The following FBXL13 variants were observed in gnomAD, a reference collection of about 807,000 sequenced individuals.
FBXL13 encodes F-box and leucine-rich repeat protein 13.
A neutral mutation model predicts 83.6 loss-of-function variants in FBXL13; 67 were observed. The ratio of observed to expected loss-of-function variants is 0.80; its 90% confidence interval spans 0.66 to 0.98. The LOEUF is 0.98. Ranked by LOEUF, FBXL13 falls within the 50% of genes least tolerant of loss-of-function variation. FBXL13 has a pLI of 0.00. For missense variants in FBXL13, 822 were observed against 866.5 expected (o/e 0.95, Z 0.64); for synonymous variants, 272 against 299.5 (o/e 0.91, Z 0.95).
intron 19 of FBXL13, among the ~76,000 whole-genome samples, chr7:102,815,176 C>T (rs1432605144): frequency 6.6e-6 from 1 of 152,162 alleles, no homozygotes; most frequent in Non-Finnish European, 1.5e-5. Flanking sequence ...CCAAACCAAT[C>T]CAGCCTCCTT....
At chr7:103,016,185 A>G (rs114823330) in intron 6 of FBXL13, among the ~76,000 whole-genome samples, 1,673 of 152,282 alleles carry the variant, frequency 0.011, 35 homozygotes, top group African/African-American at 0.039. Flanking sequence ...TGGAACCACA[A>G]AAGGGTCCAA....
chr7:102,985,115 A>T (rs1043406877), intron 6 of FBXL13, among the ~76,000 whole-genome samples: 3 of 152,122 alleles, frequency 2.0e-5, no homozygotes, highest in African/African-American at 7.2e-5. Context: ...GTCTCTGATC[A>T]CCTGCCTGTC....
chr7:102,944,546 A>G (rs763403763), intron 8 of FBXL13: 4 of 1,612,632 alleles, frequency 2.5e-6, no homozygotes, highest in East Asian at 2.2e-5. Context: ...GATGAATGGG[A>G]AAAAAAACAT....
At chr7:102,948,654 A>C (rs985576491) in intron 8 of FBXL13, among the ~76,000 whole-genome samples, 2 of 150,782 alleles carry the variant, frequency 1.3e-5, no homozygotes, top group Non-Finnish European at 2.9e-5. Context: ...CGATCTCCTG[A>C]CCTGTGATCT....
chr7:102,822,283 C>A, intron 18 of FBXL13, 80 bp from the exon 20 acceptor site: 1 of 1,252,654 alleles, frequency 8.0e-7, no homozygotes, highest in South Asian at 1.2e-5. Context: ...CTTTGGGCAA[C>A]TATAATAAAC....
chr7:102,890,658 T>C (rs550576990), intron 11 of FBXL13, among the ~76,000 whole-genome samples: 1 of 152,282 alleles, frequency 6.6e-6, no homozygotes, highest in South Asian at 2.1e-4. Flanking sequence ...CTAGCTCAGA[T>C]CCCTCTGCCG....
chr7:102,812,666 T>C (rs2129444411), downstream of FBXL13, among the ~76,000 whole-genome samples: 1 of 152,312 alleles, frequency 6.6e-6, no homozygotes, highest in African/African-American at 2.4e-5. Flanking sequence ...GTTTGACATA[T>C]GGCCATCTCT....
chr7:102,937,200 A>G (rs77322278), intron 8 of FBXL13, among the ~76,000 whole-genome samples: 1,897 of 152,230 alleles, frequency 0.012, 44 homozygotes, highest in African/African-American at 0.043. Context: ...ATTATTTTAG[A>G]TTATAAGACG....
At chr7:102,941,654 T>C (rs939527230) in intron 8 of FBXL13, among the ~76,000 whole-genome samples, 2 of 151,988 alleles carry the variant, frequency 1.3e-5, no homozygotes, top group African/African-American at 4.8e-5. Context: ...ATTCCAAAGG[T>C]CCTTGGGCAA....
exon 1 of FBXL13, chr7:103,074,451 TG>T: frequency 8.9e-7 from 1 of 1,126,750 alleles, no homozygotes; most frequent in Non-Finnish European, 1.1e-6. Flanking sequence ...TCATTCCCCC[TG>T]GGAGATGTCA....
At chr7:102,845,852 T>G (rs772647116) in intron 17 of FBXL13, among the ~76,000 whole-genome samples, 3 of 152,216 alleles carry the variant, frequency 2.0e-5, no homozygotes, top group Non-Finnish European at 4.4e-5. Flanking sequence ...GGCATTCCCA[T>G]GCTGGATTAG....
chr7:102,992,734 T>C (rs1380436876), intron 6 of FBXL13, among the ~76,000 whole-genome samples: 2 of 151,984 alleles, frequency 1.3e-5, no homozygotes, highest in Non-Finnish European at 2.9e-5. Context: ...GCCCATCGAG[T>C]AGCTGGGACT....
intron 6 of FBXL13, among the ~76,000 whole-genome samples, chr7:103,020,318 C>T (rs926192336): frequency 2.6e-5 from 4 of 152,230 alleles, no homozygotes; most frequent in East Asian, 1.9e-4. Context: ...ATTGATGGGA[C>T]GTACCTAAAA....
intron 8 of FBXL13, among the ~76,000 whole-genome samples, chr7:102,956,955 C>T (rs569219468): frequency 6.6e-6 from 1 of 152,150 alleles, no homozygotes; most frequent in Non-Finnish European, 1.5e-5. Context: ...AATGGCCATA[C>T]TGCCCAGGGT....
At chr7:102,902,318 A>G (rs1813068665) in intron 11 of FBXL13, among the ~76,000 whole-genome samples, 3 of 152,162 alleles carry the variant, frequency 2.0e-5, no homozygotes, top group South Asian at 4.2e-4. Context: ...AGCTCCTTAT[A>G]TATTTTGTTT....
At chr7:102,887,832 AC>A (rs1464361043) in intron 11 of FBXL13, among the ~76,000 whole-genome samples, 1 of 152,252 alleles carries the variant, frequency 6.6e-6, no homozygotes, top group Non-Finnish European at 1.5e-5. Context: ...AACCAAAGTG[AC>A]ATAAAATTAA....
intron 2 of FBXL13, among the ~76,000 whole-genome samples, chr7:103,050,996 C>G (rs1293978056): frequency 6.6e-6 from 1 of 151,788 alleles, no homozygotes; most frequent in Non-Finnish European, 1.5e-5. Context: ...TTGGAACATT[C>G]CACTGTAAGT....
intron 19 of FBXL13, among the ~76,000 whole-genome samples, chr7:102,819,678 T>C (rs1178478802): frequency 6.6e-6 from 1 of 152,170 alleles, no homozygotes; most frequent in Non-Finnish European, 1.5e-5. Flanking sequence ...GACATTGAGC[T>C]TCTTCCCAAG....
At chr7:102,898,974 T>A (rs980658582) in intron 11 of FBXL13, among the ~76,000 whole-genome samples, 2 of 152,204 alleles carry the variant, frequency 1.3e-5, no homozygotes, top group Admixed American at 6.5e-5. Flanking sequence ...TGAAGTGCAG[T>A]GGCACAATCT....
Sources: gnomAD v4.1 joint callset for allele counts (sites outside exome capture counted in the v4.1 genomes callset) on GRCh38, gnomAD v4.1.1 for gene constraint, MANE v1.5 for transcripts, NCBI Gene and HGNC (gene_info 2026-07-23, HGNC 2026-07-21) for gene names.